Variants in IGF1 observed in about 807,000 individuals in gnomAD.
IGF1 encodes the protein insulin-like growth factor 1.
IGF1 carries 4 observed loss-of-function variants against 13.8 expected under a neutral mutation model. The observed-to-expected ratio is 0.29, with a 90% confidence interval of 0.14 to 0.66. IGF1 has a LOEUF of 0.66. Among genes scored for constraint, IGF1 ranks in the 30% least tolerant of loss-of-function variants. The pLI is 0.78. For synonymous variants in IGF1, 76 were observed against 72.6 expected, an observed-to-expected ratio of 1.05 and a Z score of -0.23; for missense variants, 124 against 188.5, an observed-to-expected ratio of 0.66 and a Z score of 2.00.
At chr12:102,438,103 A>T (rs1341669915) in intron 2 of IGF1, among the ~76,000 whole-genome samples, 1 of 152,230 alleles carries the variant, frequency 6.6e-6, no homozygotes, top group Non-Finnish European at 1.5e-5. Flanking sequence ...GAAAGAGGAC[A>T]TTTAGACACT....
rs539585397 is a variant in IGF1, at chr12:102,398,930, G to C, written c.*3577C>G. 1.3e-5 allele frequency: 2 copies of C among 152,524 alleles called. No individual in the cohort carries two copies. The highest frequency in any genetic ancestry group is 2.9e-5 in the Non-Finnish European group (2 of 67,990). The allele number at this position is 152,524 out of a possible 1,614,324, so 9.4% of individuals were successfully genotyped here. On this transcript the variant is annotated 3_prime_UTR_variant, in exon 4 of 4. Transcript: ENST00000337514. ...AGCCTTCTCCCAAGTGCATAAAATA[G>C]TAACAGAAACCCTGGAGCCACAGAG...
chr12:102,478,898 C>A (rs1335277026), intron 1 of IGF1, among the ~76,000 whole-genome samples: 4 of 152,176 alleles, frequency 2.6e-5, no homozygotes, highest in African/African-American at 9.7e-5. Context: ...GGGCAGGACA[C>A]CTTTACCCAC....
intron 2 of IGF1, among the ~76,000 whole-genome samples, chr12:102,461,883 T>C (rs2137203101): frequency 6.6e-6 from 1 of 152,326 alleles, no homozygotes; most frequent in South Asian, 2.1e-4. Flanking sequence ...AAATCTGCAG[T>C]GACAGTTGAT....
At chr12:102,418,380 A>G (rs1052100082) in intron 3 of IGF1, among the ~76,000 whole-genome samples, 1 of 152,220 alleles carries the variant, frequency 6.6e-6, no homozygotes, top group Non-Finnish European at 1.5e-5. Flanking sequence ...TCCATCCTTC[A>G]GAGGGGCTCC....
intron 2 of IGF1, among the ~76,000 whole-genome samples, chr12:102,424,255 G>GA (rs1876010071): frequency 7.9e-6 from 1 of 126,818 alleles, no homozygotes; most frequent in Non-Finnish European, 1.7e-5. Context: ...TTTTTTTTTT[G>GA]AAAGGAGGAA....
intron 2 of IGF1, among the ~76,000 whole-genome samples, chr12:102,457,563 C>A (rs1337557022): frequency 6.6e-6 from 1 of 152,160 alleles, no homozygotes; most frequent in Non-Finnish European, 1.5e-5. Context: ...TAGCCAAGGA[C>A]CCAGGCAGAC....
intron 2 of IGF1, among the ~76,000 whole-genome samples, chr12:102,441,906 G>GCTGCTGCTGCTTCTTCTTCTTCCTCTT: frequency 4.0e-5 from 4 of 100,346 alleles, no homozygotes; most frequent in African/African-American, 1.6e-4. Context: ...CTATTACACT[G>GCTGCTGCTGCTTCTTCTTCTTCCTCTT]CTTCTTCTCC....
chr12:102,475,176 G>C (rs1277572472), intron 2 of IGF1, among the ~76,000 whole-genome samples: 1 of 152,100 alleles, frequency 6.6e-6, no homozygotes, highest in African/African-American at 2.4e-5. Context: ...GAGACATCTA[G>C]GATATGCCCT....
intron 3 of IGF1, among the ~76,000 whole-genome samples, chr12:102,416,099 A>G (rs1457317064): frequency 6.6e-6 from 1 of 152,212 alleles, no homozygotes. Context: ...CTGGAGTAAA[A>G]AGCATGGCAG....
chr12:102,441,957 T>TCTCCTTCTCCTTCTCCTTCTCC (rs71438463), intron 2 of IGF1, among the ~76,000 whole-genome samples: 5 of 134,674 alleles, frequency 3.7e-5, no homozygotes, highest in Admixed American at 2.3e-4. Context: ...TTCTTCTTCT[T>TCTCCTTCTCCTTCTCCTTCTCC]TTTTTTTTTT....
intron 2 of IGF1, among the ~76,000 whole-genome samples, chr12:102,431,091 C>T (rs17879010): frequency 9.2e-5 from 14 of 152,272 alleles, no homozygotes; most frequent in Non-Finnish European, 1.5e-4. Context: ...TGTGGCATCA[C>T]CAAGGGGTCT....
At chr12:102,404,398 C>T (rs965658752) in intron 3 of IGF1, among the ~76,000 whole-genome samples, 5 of 152,186 alleles carry the variant, frequency 3.3e-5, no homozygotes, top group African/African-American at 4.8e-5. Context: ...CCATAGGGAT[C>T]GGCAGGTTTT....
At chr12:102,461,192 C>T (rs541880611) in intron 2 of IGF1, among the ~76,000 whole-genome samples, 1 of 152,286 alleles carries the variant, frequency 6.6e-6, no homozygotes, top group East Asian at 1.9e-4. Context: ...TCTCACTTTA[C>T]CTGCCCTGCT....
Position 102,396,756 on chromosome 12 carries a change from G to GTT in IGF1, c.*5749_*5750dup, listed in dbSNP as rs1031971441. ...TGTCTCCATCTTAACTCATATTTCA[G>GTT]TTGAGCAGTAACATTTGGTTTTGTG... is the stretch of plus-strand genomic sequence containing the variant. On this transcript the variant is annotated 3_prime_UTR_variant, in exon 4 of 4. Coordinates refer to ENST00000337514, the MANE Select transcript of IGF1 (RefSeq NM_000618.5). The GTT allele has an allele frequency of 7.6e-6, 3 of 394,844 alleles. No homozygotes were observed. Among genetic ancestry groups the GTT allele is most frequent in the Non-Finnish European group, 4.5e-6 (1 of 223,900 alleles). The allele number at this position is 394,844 out of a possible 1,614,324, so 24.5% of individuals were successfully genotyped here.
At position 102,402,079 on chromosome 12, in the gene IGF1, A is replaced by G. The variant is rs1873726760; in HGVS notation, c.*428T>C. 1.3e-5 allele frequency: 2 copies of G among 156,286 alleles called. No homozygotes were observed. The highest frequency in any genetic ancestry group is 2.0e-4 in the South Asian group (1 of 4,978). The allele number at this position is 156,286 out of a possible 1,614,324, so 9.7% of individuals were successfully genotyped here. A position where few individuals can be genotyped will look rare whatever the true frequency, so the allele number is the denominator to read the frequency against. On this transcript the variant is annotated 3_prime_UTR_variant, in exon 4 of 4. Coordinates refer to ENST00000337514, the MANE Select transcript of IGF1 (RefSeq NM_000618.5). The stretch of plus-strand genomic sequence containing the variant: ...AACAAACAGCCCGAGTTGTGTAGAA[A>G]GAAGTGCAAATAAGGAAACAATTCA...
chr12:102,418,577 C>G (rs1418234771), intron 3 of IGF1, among the ~76,000 whole-genome samples: 1 of 152,178 alleles, frequency 6.6e-6, no homozygotes, highest in Admixed American at 6.5e-5. Flanking sequence ...CAACAGAGTC[C>G]CCAAAATACT....
chr12:102,418,731 A>G (rs2136997250), intron 3 of IGF1, among the ~76,000 whole-genome samples: 1 of 152,292 alleles, frequency 6.6e-6, no homozygotes, highest in South Asian at 2.1e-4. Context: ...CACTCATTCA[A>G]GAGAAATCGA....
intron 2 of IGF1, among the ~76,000 whole-genome samples, chr12:102,426,716 G>A (rs1312051974): frequency 1.3e-5 from 2 of 152,106 alleles, no homozygotes; most frequent in Admixed American, 6.5e-5. Context: ...TGGCTTTTTG[G>A]TATTAATATC....
Position 102,460,899 on chromosome 12 carries a change from G to A in IGF1, c.220+14744C>T, listed in dbSNP as rs1879847255. ...TGTTCTTAAAGTTCAAGTAAAAGAT[G>A]TGTGAAAACAATGTGAAAACTATAT... is the stretch of plus-strand genomic sequence containing the variant. On this transcript the variant is annotated intron_variant, in intron 2 of 3. Coordinates refer to ENST00000337514, the MANE Select transcript of IGF1 (RefSeq NM_000618.5). 5.9e-5 allele frequency among the ~76,000 whole-genome samples: 9 copies of A among 152,182 alleles called. No homozygotes were observed. In the South Asian group the frequency reaches 1.9e-3, roughly 32 times the overall value.
Sources: gnomAD v4.1 joint callset for allele counts (sites outside exome capture counted in the v4.1 genomes callset) on GRCh38, gnomAD v4.1.1 for gene constraint, MANE v1.5 for transcripts, NCBI Gene and HGNC (gene_info 2026-07-23, HGNC 2026-07-21) for gene names.